SLC39A5: variants seen among roughly 807,000 people sequenced by gnomAD.
SLC39A5 encodes the protein solute carrier family 39 member 5, also known as zinc transporter ZIP5.
SLC39A5 carries 42 observed loss-of-function variants against 46.9 expected under a neutral mutation model. The ratio of observed to expected loss-of-function variants is 0.90; its 90% CI spans 0.70 to 1.16. The LOEUF is 1.16. SLC39A5 is among the 50% of genes most tolerant of loss of function. The pLI is 0.00. For synonymous variants in SLC39A5, 311 were observed against 323.1 expected (o/e 0.96, Z 0.40); for missense variants, 677 against 686.8 (o/e 0.99, Z 0.16).
chr12:56,231,377 G>T lies in SLC39A5; in HGVS notation c.103G>T (p.Glu35Ter). 3.7e-6 allele frequency: 6 copies of T among 1,614,098 alleles called. No homozygotes were observed. Among genetic ancestry groups the T allele is most frequent in the Non-Finnish European group, 5.1e-6 (6 of 1,180,018 alleles). ...SVPNLGPAEQ[E>*]QNHYLAQLFG... The stretch of plus-strand genomic sequence containing the variant: ...CCCCAACCTGGGCCCTGCTGAGCAG[G>T]AGCAGAACCATTACCTGGCCCAGCT... The change falls in exon 4 of 13, where the codon GAG becomes TAG. Residue 35 changes from glutamate (E) to a stop codon, truncating the protein, a stop_gained. Coordinates refer to ENST00000454355, the MANE Select transcript of SLC39A5 (RefSeq NM_173596.3). LOFTEE classifies it high-confidence loss of function.
At chr12:56,236,086 G>C (rs189539617) in intron 8 of SLC39A5, among the ~76,000 whole-genome samples, 2 of 152,218 alleles carry the variant, frequency 1.3e-5, no homozygotes, top group African/African-American at 4.8e-5. Flanking sequence ...AAAGCCAAGA[G>C]ATGAGGAGCA....
Position 56,237,653 on chromosome 12 carries a change from G to A in SLC39A5, c.1545G>A (p.Gly515=). Residue 515 remains glycine (G), a synonymous_variant, in exon 13 of 13, where the codon GGG becomes GGA. Transcript: ENST00000454355. ...PTPHVLLQGL[G]LLLGGGLMLA... ...CCCATGTGCTCCTGCAGGGGCTGGG[G>A]CTGCTGCTGGGGGGCGGCCTCATGC... 6.2e-7 allele frequency: 1 copy of A among 1,611,294 alleles called. No individual in the cohort carries two copies. Among genetic ancestry groups the A allele is most frequent in the Non-Finnish European group, 8.5e-7 (1 of 1,179,000 alleles).
At position 56,235,596 on chromosome 12, in the gene SLC39A5, C is replaced by T; in HGVS notation, c.841C>T (p.Pro281Ser). 1 of 1,614,162 alleles carries T rather than the reference C, an allele frequency of 6.2e-7. No homozygotes were observed. The highest frequency in any genetic ancestry group is 8.5e-7 in the Non-Finnish European group (1 of 1,180,024). The change falls in exon 8 of 13, where the codon CCA becomes TCA. Residue 281 changes from proline to serine, a missense_variant. Transcript: ENST00000454355. ...EGRHAGPGGL[P>S]EKDLGPGLSV... ...GCGGCACGCAGGACCTGGCGGACTACCAGAGAAGGACCTGGGCCCGGGGCT... is the reference window on the plus strand; with the variant it reads ...GCGGCACGCAGGACCTGGCGGACTATCAGAGAAGGACCTGGGCCCGGGGCT...
At chr12:56,233,930 T>C (rs898181781) in intron 5 of SLC39A5, among the ~76,000 whole-genome samples, 5 of 152,158 alleles carry the variant, frequency 3.3e-5, no homozygotes, top group African/African-American at 7.2e-5. Context: ...AACAAAATGA[T>C]TGAAATGATC....
rs376946424 is a variant in SLC39A5 at position 56,236,764 on chromosome 12, G to A, written c.1207+18G>A. Reference sequence around the variant, plus strand: ...GGCCATAGGTGTGAGGGGTGGGAACGGAGGGAAGCAGGTCCGAGGGGAGGC... The same window carrying A: ...GGCCATAGGTGTGAGGGGTGGGAACAGAGGGAAGCAGGTCCGAGGGGAGGC... On this transcript the variant is annotated intron_variant, in intron 10 of 12. Transcript: ENST00000454355. 6.1e-5 allele frequency: 96 copies of A among 1,586,000 alleles called. No individual in the cohort carries two copies. The highest frequency in any genetic ancestry group is 1.7e-4 in the African/African-American group (13 of 74,296).
intron 12 of SLC39A5, 87 bp from the exon 13 acceptor site, chr12:56,237,501 G>C (rs889783987): frequency 1.3e-6 from 2 of 1,591,858 alleles, no homozygotes; most frequent in Non-Finnish European, 1.7e-6. Flanking sequence ...GTTTGGGTGG[G>C]GGCTGCTGAT....
intron 4 of SLC39A5, 58 bp downstream of exon 4, chr12:56,231,619 G>GC: frequency 6.8e-7 from 1 of 1,475,328 alleles, no homozygotes; most frequent in Non-Finnish European, 9.0e-7. Flanking sequence ...CTCAGTGCTT[G>GC]CCCCCAGTTG....
At chr12:56,234,464 G>A (rs1339475093) in intron 5 of SLC39A5, among the ~76,000 whole-genome samples, 3 of 151,886 alleles carry the variant, frequency 2.0e-5, no homozygotes, top group South Asian at 2.1e-4. Context: ...ACAGGTGCAC[G>A]CCACCATGCC....
Position 56,237,700 on chromosome 12 carries a change from A to T in SLC39A5, c.1592A>T (p.Glu531Val), listed in dbSNP as rs1870967590. Residue 531 changes from glutamate to valine, a missense_variant, in exon 13 of 13, where the codon GAG becomes GTG. Coordinates refer to ENST00000454355, the MANE Select transcript of SLC39A5 (RefSeq NM_173596.3). ...ATGCTTGCCATAACCCTGCTGGAGG[A>T]GCGGCTACTGCCCGTGACCACTGAG... Reference protein sequence around the residue: ...GLMLAITLLEERLLPVTTEG With the variant: ...GLMLAITLLEVRLLPVTTEG 6.3e-7 allele frequency: 1 copy of T among 1,589,034 alleles called. No individual in the cohort carries two copies.
intron 5 of SLC39A5, among the ~76,000 whole-genome samples, chr12:56,233,245 CAA>C (rs928333317): frequency 1.6e-4 from 17 of 104,200 alleles, no homozygotes; most frequent in Admixed American, 7.7e-4. Flanking sequence ...GCCTGGGCAA[CAA>C]GAGGGAGACT....
intron 5 of SLC39A5, among the ~76,000 whole-genome samples, chr12:56,234,610 C>T (rs554220016): frequency 2.0e-3 from 307 of 152,050 alleles, no homozygotes; most frequent in Middle Eastern, 6.8e-3. Context: ...CCACCGCACC[C>T]GGCTCATCCC....
chr12:56,235,868 C>T, intron 8 of SLC39A5, 168 bp downstream of exon 8: 2 of 825,384 alleles, frequency 2.4e-6, no homozygotes, highest in Non-Finnish European at 3.9e-6. Flanking sequence ...CATGGTGAAA[C>T]CCTGTCTCTA....
At position 56,235,559 on chromosome 12, in the gene SLC39A5, G is replaced by A. The variant is rs1362083192; in HGVS notation, c.805-1G>A. On this transcript the variant is annotated splice_acceptor_variant, in intron 7 of 12. Coordinates refer to ENST00000454355, the MANE Select transcript of SLC39A5 (RefSeq NM_173596.3). LOFTEE classifies it high-confidence loss of function. ...GTCTGCCCTGACCTTCTCTCTGTCAGGCACAAGAAGGGCGGCACGCAGGAC... is the reference window on the plus strand; with the variant it reads ...GTCTGCCCTGACCTTCTCTCTGTCAAGCACAAGAAGGGCGGCACGCAGGAC... The A allele has an allele frequency of 6.2e-7, 1 of 1,613,618 alleles. No individual in the cohort carries two copies. The highest frequency in any genetic ancestry group is 2.2e-5 in the East Asian group (1 of 44,874).
chr12:56,237,759 C>A lies in SLC39A5; in HGVS notation c.*28C>A. 1 of 1,507,556 alleles carries A rather than the reference C, an allele frequency of 6.6e-7. No homozygotes were observed. The highest frequency in any genetic ancestry group is 1.4e-5 in the African/African-American group (1 of 71,120). The allele number at this position is 1,507,556 out of a possible 1,614,324, so 93.4% of individuals were successfully genotyped here. A position where few individuals can be genotyped will look rare whatever the true frequency, so the allele number is the denominator to read the frequency against. On this transcript the variant is annotated 3_prime_UTR_variant, in exon 13 of 13. Transcript: ENST00000454355. ...GGGCCAGTGGAAAGGGGTCGGGTTG[C>A]CCTTCCTTCCCCCCAACCACAGGAA...
At position 56,236,926 on chromosome 12, in the gene SLC39A5, C is replaced by T. The variant is rs201975982; in HGVS notation, c.1208-5C>T. ...ACTGACAACTTCCGACCCTGCTGGC[C>T]CCAGGTGCTGCCTTCTCTGATGGCT... is the stretch of plus-strand genomic sequence containing the variant. On this transcript the variant is annotated splice_polypyrimidine_tract_variant and splice_region_variant and intron_variant, in intron 10 of 12. Coordinates refer to ENST00000454355, the MANE Select transcript of SLC39A5 (RefSeq NM_173596.3). 12 of 1,614,062 alleles carry T rather than the reference C, an allele frequency of 7.4e-6. No homozygotes were observed. In the East Asian group the frequency reaches 2.2e-4, roughly 30 times the overall value.
At chr12:56,233,311 G>A (rs929627448) in intron 5 of SLC39A5, among the ~76,000 whole-genome samples, 10 of 147,448 alleles carry the variant, frequency 6.8e-5, no homozygotes, top group African/African-American at 1.8e-4. Context: ...ATAGCTGGGC[G>A]TGGTGGCACA....
At chr12:56,230,401 C>T (rs1870095156) in intron 2 of SLC39A5, 106 bp downstream of exon 2, 1 of 152,282 alleles carries the variant, frequency 6.6e-6, no homozygotes. Flanking sequence ...TGGGTCCAAC[C>T]TTCCCAAGGA....
chr12:56,237,179 C>T lies in SLC39A5; in HGVS notation c.1318C>T (p.Leu440=), dbSNP rs891850439. 3.1e-6 allele frequency: 5 copies of T among 1,613,738 alleles called. No homozygotes were observed. In the African/African-American group the frequency reaches 5.3e-5, roughly 17 times the overall value. ...CTTTGCCATGCTGCTCCAGTCAGGG[C>T]TGTCCTTTCGGCGGCTGCTGCTGCT... ...GDFAMLLQSG[L]SFRRLLLLSL... Residue 440 remains leucine (L), a synonymous_variant, in exon 12 of 13, where the codon CTG becomes TTG. Transcript: ENST00000454355.
chr12:56,231,429 C>T lies in SLC39A5; in HGVS notation c.155C>T (p.Thr52Met), dbSNP rs778582055. Residue 52 changes from threonine to methionine, a missense_variant, in exon 4 of 13, where the codon ACG becomes ATG. By Grantham distance (81) the Thr-to-Met change is moderately conservative. Coordinates refer to ENST00000454355, the MANE Select transcript of SLC39A5 (RefSeq NM_173596.3). ...TTTGGCCTGTACGGCGAGAATGGGACGCTGACTGCAGGGGGCTTGGCGCGG... is the reference window on the plus strand; with the variant it reads ...TTTGGCCTGTACGGCGAGAATGGGATGCTGACTGCAGGGGGCTTGGCGCGG... Reference protein sequence around the residue: ...QLFGLYGENGTLTAGGLARLL... With the variant: ...QLFGLYGENGMLTAGGLARLL... 22 of 1,613,974 alleles carry T rather than the reference C, an allele frequency of 1.4e-5. No homozygotes were observed. Among genetic ancestry groups the T allele is most frequent in the Middle Eastern group, 1.6e-4 (1 of 6,084 alleles).
Sources: allele counts gnomAD v4.1 joint callset (sites outside exome capture counted in the v4.1 genomes callset), GRCh38; gene constraint gnomAD v4.1.1; transcripts MANE v1.5; gene names NCBI Gene and HGNC (gene_info 2026-07-23, HGNC 2026-07-21).